The following TRIM24 variants were observed in gnomAD, a reference collection of about 807,000 sequenced individuals.
The protein encoded by TRIM24 is tripartite motif containing 24, also known as transcription intermediary factor 1-alpha.
In TRIM24, 29 loss-of-function variants were observed where a neutral mutation model predicts 123.9. That is an observed-to-expected ratio of 0.23 (90% CI 0.17 to 0.32). The LOEUF (loss-of-function observed/expected upper bound fraction) is 0.32, where lower values mean the gene tolerates loss of function less well. Ranked by LOEUF, TRIM24 falls within the 10% of genes least tolerant of loss-of-function variation. The pLI is 1.00. For missense variants in TRIM24, 932 were observed against 1,295.3 expected (o/e 0.72, Z 4.31); for synonymous variants, 456 against 461.1 (o/e 0.99, Z 0.14).
At chr7:138,548,684 T>G (rs967401131) in intron 7 of TRIM24, among the ~76,000 whole-genome samples, 1 of 152,256 alleles carries the variant, frequency 6.6e-6, no homozygotes, top group Non-Finnish European at 1.5e-5. Flanking sequence ...ATAAACTTTT[T>G]AATTTTTTAA....
chr7:138,519,727 T>A (rs1796468661), intron 4 of TRIM24, among the ~76,000 whole-genome samples: 1 of 152,122 alleles, frequency 6.6e-6, no homozygotes. Flanking sequence ...ATGGGGAGAT[T>A]TTACATTTTT....
chr7:138,495,575 T>A (rs891540517), intron 1 of TRIM24, among the ~76,000 whole-genome samples: 3 of 152,098 alleles, frequency 2.0e-5, no homozygotes, highest in African/African-American at 7.2e-5. Context: ...CTTCTCTTTG[T>A]CTTTGATTTC....
intron 1 of TRIM24, among the ~76,000 whole-genome samples, chr7:138,467,393 G>A (rs527387062): frequency 6.6e-6 from 1 of 152,278 alleles, no homozygotes; most frequent in South Asian, 2.1e-4. Flanking sequence ...CCAGGCTGGA[G>A]TGCAGTAATG....
At chr7:138,581,611 G>T in intron 16 of TRIM24, 86 bp from the exon 17 acceptor site, 1 of 1,145,816 alleles carries the variant, frequency 8.7e-7, no homozygotes, top group Non-Finnish European at 1.2e-6. Context: ...CTGACACTTT[G>T]GGACCTCTGA....
intron 13 of TRIM24, 84 bp downstream of exon 13, chr7:138,576,529 C>A: frequency 1.7e-6 from 2 of 1,169,148 alleles, no homozygotes; most frequent in African/African-American, 1.5e-5. Flanking sequence ...TTTTGATACT[C>A]AATATATTTT....
intron 17 of TRIM24, among the ~76,000 whole-genome samples, chr7:138,582,435 G>C (rs10236035): frequency 6.6e-6 from 1 of 151,502 alleles, no homozygotes; most frequent in Non-Finnish European, 1.5e-5. Context: ...CCAGCTACTC[G>C]GGAGGCTGAG....
rs1319191639 is a variant in TRIM24, at chr7:138,589,389, C to G, written c.*4438C>G. On this transcript the variant is annotated 3_prime_UTR_variant, in exon 19 of 19. Transcript: ENST00000343526. Reference sequence around the variant, plus strand: ...TGGATTTTTACTGTCAATATTTTACCACAAGGATTTTTTAATAGAAAAATT... The same window carrying G: ...TGGATTTTTACTGTCAATATTTTACGACAAGGATTTTTTAATAGAAAAATT... 1 of 152,006 alleles carries G rather than the reference C, an allele frequency of 6.6e-6. No homozygotes were observed. Among genetic ancestry groups the G allele is most frequent in the African/African-American group, 2.4e-5 (1 of 41,374 alleles). The allele number at this position is 152,006 out of a possible 1,614,324, so 9.4% of individuals were successfully genotyped here. A position where few individuals can be genotyped will look rare whatever the true frequency, so the allele number is the denominator to read the frequency against.
intron 1 of TRIM24, among the ~76,000 whole-genome samples, chr7:138,464,077 C>T (rs1795078734): frequency 7.2e-6 from 1 of 139,802 alleles, no homozygotes; most frequent in South Asian, 2.3e-4. Flanking sequence ...TCACTGCTAG[C>T]TCTGCCTCCC....
At chr7:138,480,803 G>T (rs1205344356) in intron 1 of TRIM24, among the ~76,000 whole-genome samples, 1 of 151,832 alleles carries the variant, frequency 6.6e-6, no homozygotes, top group Non-Finnish European at 1.5e-5. Context: ...TTTATTTTTT[G>T]GCAACCTCGT....
chr7:138,569,272 C>G (rs889225784), intron 10 of TRIM24, among the ~76,000 whole-genome samples: 6 of 152,052 alleles, frequency 3.9e-5, no homozygotes, highest in African/African-American at 1.4e-4. Flanking sequence ...TGAGTAGATA[C>G]TCTAAGCATG....
intron 2 of TRIM24, among the ~76,000 whole-genome samples, chr7:138,508,704 TGTGC>T (rs1186635722): frequency 5.7e-5 from 3 of 52,548 alleles, no homozygotes; most frequent in South Asian, 4.8e-4. Flanking sequence ...CGCGCGCGTG[TGTGC>T]GTGTGTGTGT....
chr7:138,550,687 T>C (rs1031982956), intron 7 of TRIM24, among the ~76,000 whole-genome samples: 10 of 152,192 alleles, frequency 6.6e-5, no homozygotes, highest in African/African-American at 2.2e-4. Context: ...GACGAATTTG[T>C]ATTCCCTGTA....
chr7:138,502,436 G>T (rs961503421), intron 1 of TRIM24, among the ~76,000 whole-genome samples: 1 of 152,186 alleles, frequency 6.6e-6, no homozygotes, highest in Non-Finnish European at 1.5e-5. Context: ...ATGAAAAAGA[G>T]GCTCAAAAAG....
intron 1 of TRIM24, among the ~76,000 whole-genome samples, chr7:138,500,404 A>C (rs1310309584): frequency 6.6e-6 from 1 of 151,886 alleles, no homozygotes; most frequent in South Asian, 2.1e-4. Context: ...TACTAAAAAT[A>C]CAAAAAAAAT....
chr7:138,573,937 T>TGTAA (rs1056102756), intron 12 of TRIM24, among the ~76,000 whole-genome samples: 33 of 152,196 alleles, frequency 2.2e-4, no homozygotes, highest in African/African-American at 7.7e-4. Context: ...TAGCTGGGAC[T>TGTAA]GTAAGTATGC....
At chr7:138,484,984 A>C (rs1211778528) in intron 1 of TRIM24, among the ~76,000 whole-genome samples, 2 of 151,332 alleles carry the variant, frequency 1.3e-5, no homozygotes, top group Non-Finnish European at 2.9e-5. Context: ...GTTGATAATA[A>C]CCTCTTGGTA....
At chr7:138,490,918 G>A (rs768518064) in intron 1 of TRIM24, 21 of 383,748 alleles carry the variant, frequency 5.5e-5, no homozygotes, top group Non-Finnish European at 7.9e-5. Context: ...GAGATCTTCC[G>A]TATCTGATTG....
rs1479921591 is a variant in TRIM24, at chr7:138,530,095, CA to C, written c.996+866del. The stretch of plus-strand genomic sequence containing the variant: ...AAGCATGGTCATTCCTGTGTATTAT[CA>C]GCTGTACAGGAAACAAAGACTAAAA... On this transcript the variant is annotated intron_variant, in intron 6 of 18. Transcript: ENST00000343526. 1.4e-4 allele frequency among the ~76,000 whole-genome samples: 21 copies of C among 152,060 alleles called. 1 individual carries two copies. Among genetic ancestry groups the C allele is most frequent in the Admixed American group, 1.4e-3 (21 of 15,262 alleles).
chr7:138,584,530 T>C (rs1488754336), intron 18 of TRIM24, among the ~76,000 whole-genome samples: 1 of 152,218 alleles, frequency 6.6e-6, no homozygotes, highest in East Asian at 1.9e-4. Flanking sequence ...TACCACCTTC[T>C]TTTAGAATAA....
Sources: allele counts gnomAD v4.1 joint callset (sites outside exome capture counted in the v4.1 genomes callset), GRCh38; gene constraint gnomAD v4.1.1; transcripts MANE v1.5; gene names NCBI Gene and HGNC (gene_info 2026-07-23, HGNC 2026-07-21).